UFD1: variants seen among roughly 807,000 people sequenced by gnomAD.
The protein encoded by UFD1 is ubiquitin recognition factor in ER-associated degradation protein 1.
UFD1 carries 13 observed loss-of-function variants against 45.9 expected under a neutral mutation model. The observed-to-expected ratio is 0.28, with a 90% CI of 0.18 to 0.45. UFD1 has a LOEUF of 0.45. Among genes scored for constraint, UFD1 ranks in the 20% least tolerant of loss-of-function variants. The probability of loss-of-function intolerance (pLI) is 1.00; values close to 1 mark genes in which losing one functional copy is unlikely to be tolerated. For missense variants in UFD1, 218 were observed against 389.2 expected (o/e 0.56, Z 3.70); for synonymous variants, 128 against 139.2 (o/e 0.92, Z 0.56).
chr22:19,465,107 A>C (rs374706777), intron 6 of UFD1, 95 bp downstream of exon 6: 3 of 1,164,932 alleles, frequency 2.6e-6, no homozygotes, highest in Middle Eastern at 1.9e-4. Flanking sequence ...GATAAGATCC[A>C]GGCATACGCT....
intron 1 of UFD1, among the ~76,000 whole-genome samples, chr22:19,476,388 G>A (rs764238107): frequency 7.2e-5 from 11 of 152,026 alleles, no homozygotes; most frequent in East Asian, 1.9e-4. Context: ...CCTCTCCAGC[G>A]TGCTCTCACA....
At chr22:19,453,590 G>C in intron 11 of UFD1, 1 of 985,608 alleles carries the variant, frequency 1.0e-6, no homozygotes, top group Non-Finnish European at 1.2e-6. Context: ...GTGAAGCCTG[G>C]ATGGTGCCTG....
chr22:19,453,334 C>T (rs1295459668), intron 11 of UFD1: 1 of 985,444 alleles, frequency 1.0e-6, no homozygotes, highest in East Asian at 1.1e-4. Context: ...ACCTCATGAC[C>T]TTTAGCCACA....
chr22:19,460,481 CT>C (rs993760275), intron 6 of UFD1, among the ~76,000 whole-genome samples: 2 of 151,536 alleles, frequency 1.3e-5, no homozygotes, highest in South Asian at 2.1e-4. Context: ...ATATTAAATA[CT>C]TTTTTTTTAA....
intron 1 of UFD1, among the ~76,000 whole-genome samples, chr22:19,476,111 ATG>A (rs1369876091): frequency 3.3e-5 from 5 of 151,790 alleles, no homozygotes; most frequent in Non-Finnish European, 7.4e-5. Context: ...ACACACACAC[ATG>A]TGTGTCTGGC....
At chr22:19,467,753 C>T (rs1488184356) in intron 5 of UFD1, 120 bp downstream of exon 5, 3 of 1,499,142 alleles carry the variant, frequency 2.0e-6, no homozygotes, top group African/African-American at 1.4e-5. Context: ...CAAATCACAA[C>T]TTGAATCACA....
intron 3 of UFD1, among the ~76,000 whole-genome samples, chr22:19,473,143 C>A (rs1547931): frequency 6.6e-5 from 10 of 152,080 alleles, no homozygotes; most frequent in African/African-American, 2.4e-4. Context: ...CTCAGCTGCA[C>A]AGCCATGGAG....
chr22:19,473,803 A>T (rs1193164334), intron 3 of UFD1, among the ~76,000 whole-genome samples: 2 of 152,116 alleles, frequency 1.3e-5, no homozygotes, highest in Non-Finnish European at 2.9e-5. Context: ...TCAAGTTGCT[A>T]CTCTGGAGTC....
At chr22:19,471,476 C>T (rs2089844979) in intron 4 of UFD1, 1 of 786,684 alleles carries the variant, frequency 1.3e-6, no homozygotes, top group Non-Finnish European at 2.2e-6. Flanking sequence ...TCCCACAGCA[C>T]AGTGGCCCAC....
rs549125351 is a variant in UFD1, at chr22:19,451,434, A to T, written c.850-690T>A. 3.0e-6 allele frequency: 3 copies of T among 985,238 alleles called. No homozygotes were observed. The African/African-American group carries it at 5.2e-5, about 17-fold the overall frequency. The allele number at this position is 985,238 out of a possible 1,614,324, so 61.0% of individuals were successfully genotyped here. Reference sequence around the variant, plus strand: ...TGTACACACTTTTAATGCTTTTAACATATAGAGACCAACCAGCCCTCAGAA... The same window carrying T: ...TGTACACACTTTTAATGCTTTTAACTTATAGAGACCAACCAGCCCTCAGAA... On this transcript the variant is annotated intron_variant, in intron 11 of 11. Coordinates refer to ENST00000263202, the MANE Select transcript of UFD1 (RefSeq NM_005659.7).
At chr22:19,478,626 G>A in intron 1 of UFD1, 1 of 230,442 alleles carries the variant, frequency 4.3e-6, no homozygotes, top group South Asian at 6.6e-5. Flanking sequence ...AGATTCGAAG[G>A]CACGAACCCG....
intron 6 of UFD1, among the ~76,000 whole-genome samples, chr22:19,464,090 A>C (rs1203180904): frequency 6.6e-6 from 1 of 152,256 alleles, no homozygotes; most frequent in Non-Finnish European, 1.5e-5. Context: ...AAAGGAAAAA[A>C]GAAAGTGTGA....
chr22:19,478,889 G>T (rs2089918494), intron 1 of UFD1, 194 bp downstream of exon 1: 4 of 658,246 alleles, frequency 6.1e-6, no homozygotes, highest in Non-Finnish European at 2.4e-6. Context: ...GTTCAGGACC[G>T]GCGGACGCGA....
chr22:19,471,493 G>T, intron 4 of UFD1, 194 bp downstream of exon 4: 1 of 861,488 alleles, frequency 1.2e-6, no homozygotes, highest in Non-Finnish European at 1.9e-6. Flanking sequence ...CCACAGGTGC[G>T]TCCAGAGCCC....
intron 10 of UFD1, among the ~76,000 whole-genome samples, chr22:19,455,052 C>G (rs1237152769): frequency 6.6e-6 from 1 of 151,802 alleles, no homozygotes; most frequent in Non-Finnish European, 1.5e-5. Flanking sequence ...CTGTACCTGT[C>G]TATGGAGAGG....
At chr22:19,470,904 C>T (rs2089840072) in intron 4 of UFD1, 25 of 448,446 alleles carry the variant, frequency 5.6e-5, no homozygotes, top group South Asian at 3.6e-4. Context: ...TTCCAGCCCA[C>T]AGCTCACTGC....
At chr22:19,470,701 C>T (rs5993648) in intron 4 of UFD1, 239,671 of 453,562 alleles carry the variant, frequency 0.53, 64,139 homozygotes, top group South Asian at 0.61. Flanking sequence ...TTTGGCCTTC[C>T]GAAGTGCTGG....
At chr22:19,462,040 C>T (rs2089771227) in intron 6 of UFD1, among the ~76,000 whole-genome samples, 1 of 152,122 alleles carries the variant, frequency 6.6e-6, no homozygotes, top group South Asian at 2.1e-4. Flanking sequence ...TGCTTTATCA[C>T]CTAGGCTAGA....
intron 3 of UFD1, among the ~76,000 whole-genome samples, chr22:19,472,639 G>C (rs1173363126): frequency 6.6e-6 from 1 of 152,240 alleles, no homozygotes; most frequent in Non-Finnish European, 1.5e-5. Flanking sequence ...CCCGGGAGAA[G>C]ACCGAGAAGG....
Sources: gnomAD v4.1 joint callset for allele counts (sites outside exome capture counted in the v4.1 genomes callset) on GRCh38, gnomAD v4.1.1 for gene constraint, MANE v1.5 for transcripts, NCBI Gene and HGNC (gene_info 2026-07-23, HGNC 2026-07-21) for gene names.